Variants in IGFN1 observed in about 807,000 individuals in gnomAD.
IGFN1 encodes immunoglobulin like and fibronectin type III domain containing 1, also known as immunoglobulin-like and fibronectin type III domain-containing protein 1.
Under a neutral mutation model 289.5 loss-of-function variants are expected in IGFN1, and 253 were observed. The ratio of observed to expected loss-of-function variants is 0.87; its 90% CI spans 0.79 to 0.97. IGFN1 has a LOEUF of 0.97. Among genes scored for constraint, IGFN1 ranks in the 50% least tolerant of loss-of-function variants. The pLI, the probability that IGFN1 is intolerant of heterozygous loss-of-function variation, is 0.00. For synonymous variants in IGFN1, 1,706 were observed against 1,788.5 expected (o/e 0.95, Z 1.16); for missense variants, 4,470 against 4,686.1 (o/e 0.95, Z 1.35).
intron 1 of IGFN1, among the ~76,000 whole-genome samples, chr1:201,191,288 A>G (rs1464437475): frequency 2.0e-5 from 3 of 152,062 alleles, no homozygotes; most frequent in African/African-American, 2.4e-5. Flanking sequence ...AGTTGAGAGA[A>G]CTCCATTTGG....
chr1:201,199,804 G>T (rs1012029742), intron 7 of IGFN1, 150 bp downstream of exon 7: 1 of 661,032 alleles, frequency 1.5e-6, no homozygotes, highest in Non-Finnish European at 2.6e-6. Context: ...ATGGGAAGGG[G>T]ACTGAACTGG....
chr1:201,215,060 C>T lies in IGFN1; in HGVS notation c.8901C>T (p.His2967=). 1 of 1,614,144 alleles carries T rather than the reference C, an allele frequency of 6.2e-7. No individual in the cohort carries two copies. Among genetic ancestry groups the T allele is most frequent in the Non-Finnish European group, 8.5e-7 (1 of 1,180,030 alleles). ...GVIFKQDGLV[H]SLFITHVQGT... The stretch of plus-strand genomic sequence containing the variant: ...TCTTTAAGCAAGACGGTCTCGTGCA[C>T]AGCCTCTTCATCACGCATGTGCAGG... Residue 2967 remains histidine (H), a synonymous_variant, in exon 14 of 24, where the codon CAC becomes CAT. Coordinates refer to ENST00000335211, the MANE Select transcript of IGFN1 (RefSeq NM_001164586.2).
At chr1:201,204,534 A>G (rs1667313802) in intron 10 of IGFN1, among the ~76,000 whole-genome samples, 1 of 152,166 alleles carries the variant, frequency 6.6e-6, no homozygotes, top group South Asian at 2.1e-4. Flanking sequence ...GGGGAGAAAA[A>G]AGGGGGTTAT....
chr1:201,192,425 G>C (rs1326255006), intron 1 of IGFN1, among the ~76,000 whole-genome samples: 1 of 150,746 alleles, frequency 6.6e-6, no homozygotes, highest in African/African-American at 2.4e-5. Flanking sequence ...TCCCACCCCA[G>C]ACCCAACCCC....
chr1:201,225,882 G>A lies in IGFN1; in HGVS notation c.10545G>A (p.Thr3515=), dbSNP rs147078170. The change falls in exon 22 of 24, where the codon ACG becomes ACA. Residue 3515 remains threonine, a synonymous_variant. Transcript: ENST00000335211. The part of the protein sequence containing the change: ...HLQENVPGTV[T]AEWEPSPDEA... ...AGGAGAACGTGCCTGGGACGGTGAC[G>A]GCCGAGTGGGAACCCTCTCCTGACG... The A allele has an allele frequency of 2.5e-5, 41 of 1,612,796 alleles. No individual in the cohort carries two copies. Among genetic ancestry groups the A allele is most frequent in the Non-Finnish European group, 3.2e-5 (38 of 1,179,672 alleles).
intron 14 of IGFN1, among the ~76,000 whole-genome samples, 176 bp from the exon 15 acceptor site, chr1:201,215,363 G>A (rs1324950149): frequency 6.6e-6 from 1 of 152,166 alleles, no homozygotes; most frequent in Admixed American, 6.5e-5. Context: ...TCCTTGGTGA[G>A]GTCTAAGCCT....
Position 201,227,114 on chromosome 1 carries a change from C to G in IGFN1, c.11019C>G (p.Ile3673Met), listed in dbSNP as rs781565982. Residue 3673 changes from isoleucine to methionine, a missense_variant, in exon 23 of 24, where the codon ATC (isoleucine) becomes ATG (methionine). This residue lies in a region of IGFN1 where 2,218 missense variants were observed against 2,114.1 expected (regional missense o/e 1.05). Coordinates refer to ENST00000335211, the MANE Select transcript of IGFN1 (RefSeq NM_001164586.2). ...TGCTGGGCGTGTGCTCCCTCACCAT[C>G]CCCAGCGTATCCCCGAAGGACAGCG... ...TDLLGVCSLT[I>M]PSVSPKDSGE... is the part of the protein sequence containing the mutation. The G allele has an allele frequency of 6.2e-7, 1 of 1,613,566 alleles. No individual in the cohort carries two copies. Among genetic ancestry groups the G allele is most frequent in the South Asian group, 1.1e-5 (1 of 91,088 alleles).
In IGFN1 at chr1:201,216,519, C is replaced by T. The variant is rs140418667; in HGVS notation, c.9361C>T (p.Arg3121Cys). The T allele has an allele frequency of 9.9e-5, 159 of 1,609,830 alleles. No homozygotes were observed. The African/African-American group carries it at 1.7e-3, about 17-fold the overall frequency. Residue 3121 changes from arginine (R) to cysteine (C), a missense_variant, in exon 16 of 24, where the codon CGC becomes TGC. Transcript: ENST00000335211. ...QDCHRAGVCL[R>C]WRPPRDNGGR... The stretch of plus-strand genomic sequence containing the variant: ...TTGCCATAGGGCTGGCGTCTGCCTC[C>T]GCTGGCGGCCCCCAAGGGACAATGG...
chr1:201,194,769 T>C (rs953221791), intron 3 of IGFN1, among the ~76,000 whole-genome samples: 2 of 152,204 alleles, frequency 1.3e-5, no homozygotes, highest in East Asian at 3.9e-4. Flanking sequence ...CAAAGGCTTA[T>C]TGGGGAAAAA....
chr1:201,225,343 G>A (rs1043141700), intron 21 of IGFN1, among the ~76,000 whole-genome samples: 5 of 152,202 alleles, frequency 3.3e-5, no homozygotes, highest in African/African-American at 1.2e-4. Context: ...CTTCATGAGA[G>A]CCCTGCCTCT....
intron 16 of IGFN1, 93 bp downstream of exon 16, chr1:201,216,846 C>A: frequency 9.1e-7 from 1 of 1,102,262 alleles, no homozygotes; most frequent in Non-Finnish European, 1.3e-6. Context: ...TGAGTGACAC[C>A]AGCCTGTGCT....
In IGFN1 at chr1:201,214,146, G is replaced by A. The variant is rs117610791; in HGVS notation, c.8729-31G>A. 10,905 of 1,577,752 alleles carry A rather than the reference G, an allele frequency of 6.9e-3. 211 individuals are homozygous for A. Among genetic ancestry groups the A allele is most frequent in the East Asian group, 0.059 (2,569 of 43,812 alleles). On this transcript the variant is annotated intron_variant, in intron 12 of 23. Coordinates refer to ENST00000335211, the MANE Select transcript of IGFN1 (RefSeq NM_001164586.2). ...GCGCAGGCCATGGCCTGGGGCGCTC[G>A]GCCCTGGGGATTCCCTCTGTGTCTC...
At chr1:201,223,707 T>G (rs1653902376) in intron 20 of IGFN1, among the ~76,000 whole-genome samples, 1 of 152,154 alleles carries the variant, frequency 6.6e-6, no homozygotes, top group East Asian at 1.9e-4. Context: ...TGTTTCACCT[T>G]CCTCATCTGT....
intron 5 of IGFN1, among the ~76,000 whole-genome samples, 173 bp downstream of exon 5, chr1:201,197,490 A>G (rs1666970372): frequency 6.6e-6 from 1 of 152,232 alleles, no homozygotes; most frequent in Admixed American, 6.5e-5. Flanking sequence ...CCACATGCAC[A>G]CTGAGTCTGC....
In IGFN1 at chr1:201,221,767, C is replaced by G. The variant is rs931682656; in HGVS notation, c.10201+21C>G. 11 of 1,556,318 alleles carry G rather than the reference C, an allele frequency of 7.1e-6. No homozygotes were observed. The East Asian group carries it at 2.5e-4, about 35-fold the overall frequency. ...TACTGGTGAGTGCTGCCTCCTTCCC[C>G]GACCCCTGAGCCCTGCAGGCCTCTC... On this transcript the variant is annotated intron_variant, in intron 19 of 23. Coordinates refer to ENST00000335211, the MANE Select transcript of IGFN1 (RefSeq NM_001164586.2).
intron 18 of IGFN1, among the ~76,000 whole-genome samples, chr1:201,220,572 G>C (rs1038339295): frequency 6.6e-6 from 1 of 152,238 alleles, no homozygotes; most frequent in Admixed American, 6.5e-5. Flanking sequence ...ACATTTTCTG[G>C]ATTCTTGCTG....
At chr1:201,225,017 G>T (rs1007673152) in intron 21 of IGFN1, 143 bp downstream of exon 21, 1 of 592,814 alleles carries the variant, frequency 1.7e-6, no homozygotes, top group Non-Finnish European at 2.8e-6. Context: ...TTTCCTCCAT[G>T]CTTGATGATA....
At position 201,200,234 on chromosome 1, in the gene IGFN1, C is replaced by A. The variant is rs768235948; in HGVS notation, c.459-3C>A. ...CCTCTGACCTGCTAGCCTTGCTCCC[C>A]AGGGCCCCACCAGCCCCCAAGAAAA... is the stretch of plus-strand genomic sequence containing the variant. On this transcript the variant is annotated splice_region_variant and splice_polypyrimidine_tract_variant and intron_variant, in intron 7 of 23. Transcript: ENST00000335211. 1 of 1,550,968 alleles carries A rather than the reference C, an allele frequency of 6.4e-7. No homozygotes were observed. The highest frequency in any genetic ancestry group is 1.2e-5 in the South Asian group (1 of 83,894).
Position 201,214,910 on chromosome 1 carries a change from C to T in IGFN1, c.8854-103C>T, listed in dbSNP as rs943090484. On this transcript the variant is annotated intron_variant, in intron 13 of 23. Coordinates refer to ENST00000335211, the MANE Select transcript of IGFN1 (RefSeq NM_001164586.2). ...CACAATAAGCATTCCATTCACACAG[C>T]TGTTATCAGGATCCCAGCATCAGTA... The T allele has an allele frequency of 4.2e-6, 5 of 1,185,302 alleles. No individual in the cohort carries two copies. The African/African-American group carries it at 7.6e-5, about 18-fold the overall frequency. 73.4% of individuals were successfully genotyped at this position (1,185,302 alleles called of 1,614,324 possible).
Sources: gnomAD v4.1 joint callset for allele counts (sites outside exome capture counted in the v4.1 genomes callset) on GRCh38, gnomAD v4.1.1 for gene constraint, gnomAD v4.1.1 regional missense constraint, MANE v1.5 for transcripts, NCBI Gene and HGNC (gene_info 2026-07-23, HGNC 2026-07-21) for gene names.